The following RIMBP2 variants were observed in gnomAD, a reference collection of about 807,000 sequenced individuals.
RIMBP2 encodes RIMS binding protein 2.
RIMBP2 carries 48 observed loss-of-function variants against 118.6 expected under a neutral mutation model. That is an observed-to-expected ratio of 0.40 (90% CI 0.32 to 0.51). RIMBP2 has a LOEUF of 0.51. RIMBP2 is among the 20% of genes least tolerant of loss of function. RIMBP2 has a pLI of 0.41. For synonymous variants in RIMBP2, 762 were observed against 742.9 expected (o/e 1.03, Z -0.42); for missense variants, 1,551 against 1,768.3 (o/e 0.88, Z 2.20).
At chr12:130,698,299 TCCTTAAC>T (rs1482114859) in intron 1 of RIMBP2, among the ~76,000 whole-genome samples, 1 of 152,122 alleles carries the variant, frequency 6.6e-6, no homozygotes, top group African/African-American at 2.4e-5. Flanking sequence ...TCAAACACTG[TCCTTAAC>T]TTGCTCACTT....
chr12:130,505,077 G>C (rs2050171085), intron 4 of RIMBP2, among the ~76,000 whole-genome samples: 1 of 152,178 alleles, frequency 6.6e-6, no homozygotes. Flanking sequence ...GTCACGGTGT[G>C]TGCCCTCAGA....
chr12:130,661,354 T>C (rs1171509866), intron 1 of RIMBP2, among the ~76,000 whole-genome samples: 1 of 151,936 alleles, frequency 6.6e-6, no homozygotes, highest in Non-Finnish European at 1.5e-5. Flanking sequence ...GGTAATTAAC[T>C]AGTAATTAAC....
chr12:130,626,620 C>T (rs1056204666), intron 2 of RIMBP2, among the ~76,000 whole-genome samples: 6 of 150,374 alleles, frequency 4.0e-5, no homozygotes, highest in East Asian at 2.0e-4. Context: ...TCCATCACCA[C>T]GACTACCACT....
chr12:130,535,964 T>C (rs1259152568), intron 2 of RIMBP2, among the ~76,000 whole-genome samples: 1 of 151,892 alleles, frequency 6.6e-6, no homozygotes, highest in Non-Finnish European at 1.5e-5. Context: ...TGTTGTTGTA[T>C]TTTTTGTAGA....
chr12:130,544,037 T>C (rs2054860686), intron 2 of RIMBP2, among the ~76,000 whole-genome samples: 1 of 152,224 alleles, frequency 6.6e-6, no homozygotes, highest in Non-Finnish European at 1.5e-5. Flanking sequence ...GACATTTTAA[T>C]TAGATCCCTT....
At chr12:130,408,125 C>T (rs1299198279) in intron 19 of RIMBP2, among the ~76,000 whole-genome samples, 1 of 152,204 alleles carries the variant, frequency 6.6e-6, no homozygotes, top group African/African-American at 2.4e-5. Flanking sequence ...GCACGGGGCT[C>T]TCGAACAGCA....
At chr12:130,437,463 G>C (rs758197052) in intron 12 of RIMBP2, among the ~76,000 whole-genome samples, 172 bp from the exon 13 acceptor site, 3 of 152,158 alleles carry the variant, frequency 2.0e-5, no homozygotes, top group Non-Finnish European at 2.9e-5. Flanking sequence ...TGCGGGGAGG[G>C]GGCGGGGCAG....
intron 3 of RIMBP2, among the ~76,000 whole-genome samples, chr12:130,507,726 T>C (rs1216890924): frequency 2.6e-5 from 4 of 152,238 alleles, no homozygotes; most frequent in African/African-American, 9.6e-5. Context: ...CCATTCATTT[T>C]CATTGTGGAG....
chr12:130,676,913 G>A (rs188868850), intron 1 of RIMBP2, among the ~76,000 whole-genome samples: 5 of 152,240 alleles, frequency 3.3e-5, no homozygotes, highest in East Asian at 3.9e-4. Context: ...TAGGGGTGAC[G>A]GGAAAAAGCC....
At chr12:130,401,995 C>T (rs921848461) in intron 21 of RIMBP2, among the ~76,000 whole-genome samples, 2 of 152,244 alleles carry the variant, frequency 1.3e-5, no homozygotes, top group African/African-American at 4.8e-5. Flanking sequence ...CCAGCCCCTG[C>T]TCTGGCTGAG....
At chr12:130,491,493 C>T (rs192002546) in intron 4 of RIMBP2, among the ~76,000 whole-genome samples, 5 of 152,340 alleles carry the variant, frequency 3.3e-5, no homozygotes, top group African/African-American at 1.2e-4. Flanking sequence ...GTCACTCCGC[C>T]TCCTTCCTTC....
At chr12:130,573,393 C>CGTGT (rs145775625) in intron 2 of RIMBP2, among the ~76,000 whole-genome samples, 19 of 151,252 alleles carry the variant, frequency 1.3e-4, no homozygotes, top group Middle Eastern at 3.4e-3. Context: ...AGTGTTCGCG[C>CGTGT]GTGTGTGTGC....
At chr12:130,569,679 T>A (rs1056879570) in intron 2 of RIMBP2, among the ~76,000 whole-genome samples, 1 of 152,062 alleles carries the variant, frequency 6.6e-6, no homozygotes, top group Non-Finnish European at 1.5e-5. Flanking sequence ...GTGCAGCCCC[T>A]CCCTCTTCTC....
At chr12:130,655,701 A>G (rs2063399476) in intron 1 of RIMBP2, among the ~76,000 whole-genome samples, 1 of 152,350 alleles carries the variant, frequency 6.6e-6, no homozygotes, top group Admixed American at 6.5e-5. Context: ...ATGTATATAC[A>G]GGCAAACACA....
chr12:130,440,644 G>A lies in RIMBP2; in HGVS notation c.1504+1204C>T, dbSNP rs927428475. Among the ~76,000 whole-genome samples the A allele has an allele frequency of 6.6e-5, 10 of 152,200 alleles. No individual in the cohort carries two copies. The South Asian group carries it at 1.4e-3, about 22-fold the overall frequency. ...CTCATCAGAAGGCATCGCGGGAGGCGTCAGTGAAAAGTGGGTGGCCTCATT... is the reference window on the plus strand; with the variant it reads ...CTCATCAGAAGGCATCGCGGGAGGCATCAGTGAAAAGTGGGTGGCCTCATT... On this transcript the variant is annotated intron_variant, in intron 11 of 22. Transcript: ENST00000690449.
chr12:130,573,767 G>C (rs751631779), intron 2 of RIMBP2, among the ~76,000 whole-genome samples: 3 of 152,040 alleles, frequency 2.0e-5, no homozygotes, highest in African/African-American at 7.2e-5. Context: ...TGACACAGCC[G>C]AGCTGCCAAA....
chr12:130,685,487 A>G (rs1303424733), intron 1 of RIMBP2, among the ~76,000 whole-genome samples: 1 of 152,180 alleles, frequency 6.6e-6, no homozygotes, highest in African/African-American at 2.4e-5. Context: ...CCGTTGCCCT[A>G]TGATGTCATC....
At position 130,450,012 on chromosome 12, in the gene RIMBP2, T is replaced by C. The variant is rs921267087; in HGVS notation, c.581+188A>G. 2.6e-5 allele frequency among the ~76,000 whole-genome samples: 4 copies of C among 152,026 alleles called. No homozygotes were observed. The highest frequency in any genetic ancestry group is 9.7e-5 in the African/African-American group (4 of 41,404). On this transcript the variant is annotated intron_variant, in intron 9 of 22. Transcript: ENST00000690449. The surrounding 1 kb of genome is among the most constrained non-coding windows in gnomAD (Gnocchi z 4.8). ...TTGTGACCTCCTGTCATGGCAGCCC[T>C]GGGAGACTTGCGTGCCACCCAAACT...
chr12:130,651,691 C>T (rs2063238628), intron 1 of RIMBP2, among the ~76,000 whole-genome samples: 3 of 152,204 alleles, frequency 2.0e-5, no homozygotes, highest in African/African-American at 7.2e-5. Context: ...AGAACCAGCC[C>T]TTTGTGAGAG....
Sources: allele counts gnomAD v4.1 joint callset (sites outside exome capture counted in the v4.1 genomes callset), GRCh38; gene constraint gnomAD v4.1.1; non-coding constraint Gnocchi (gnomAD v3.1); transcripts MANE v1.5; gene names NCBI Gene and HGNC (gene_info 2026-07-23, HGNC 2026-07-21).